Variants in SCLT1 observed in about 807,000 individuals in gnomAD.
SCLT1 encodes the protein sodium channel-associated protein 1.
In SCLT1, 78 loss-of-function variants were observed where a neutral mutation model predicts 112.8. The ratio of observed to expected loss-of-function variants is 0.69; its 90% CI spans 0.58 to 0.83. The LOEUF (loss-of-function observed/expected upper bound fraction) is 0.83, where lower values mean the gene tolerates loss of function less well. Ranked by LOEUF, SCLT1 falls within the 40% of genes least tolerant of loss-of-function variation. The pLI is 0.00. For missense variants in SCLT1, 747 were observed against 770.4 expected (o/e 0.97, Z 0.36); for synonymous variants, 257 against 254.7 (o/e 1.01, Z -0.09).
chr4:128,881,881 C>T (rs1300081771), downstream of SCLT1, among the ~76,000 whole-genome samples: 1 of 152,138 alleles, frequency 6.6e-6, no homozygotes, highest in Non-Finnish European at 1.5e-5. Flanking sequence ...TCAAATTCAA[C>T]AGAGGTCAGA....
intron 2 of SCLT1, among the ~76,000 whole-genome samples, chr4:129,079,040 G>A (rs1225174218): frequency 6.6e-6 from 1 of 152,016 alleles, no homozygotes; most frequent in Non-Finnish European, 1.5e-5. Context: ...TCACTATCAG[G>A]GGAACAGCAA....
At chr4:129,056,345 T>C (rs1749389317) in intron 2 of SCLT1, among the ~76,000 whole-genome samples, 1 of 152,170 alleles carries the variant, frequency 6.6e-6, no homozygotes, top group African/African-American at 2.4e-5. Flanking sequence ...TTTGATTCTT[T>C]ATTGCATTCC....
intron 2 of SCLT1, among the ~76,000 whole-genome samples, chr4:129,049,083 G>A (rs1212558961): frequency 6.6e-6 from 1 of 151,790 alleles, no homozygotes; most frequent in Non-Finnish European, 1.5e-5. Flanking sequence ...GATTCCTCAG[G>A]GATCTAGAAC....
At chr4:128,965,103 T>C (rs1246987920) in intron 11 of SCLT1, 124 bp downstream of exon 11, 3 of 583,124 alleles carry the variant, frequency 5.1e-6, no homozygotes, top group Non-Finnish European at 9.2e-6. Flanking sequence ...ATTTTACACC[T>C]ATGATTATAG....
In SCLT1 at chr4:128,992,357, T is replaced by C. The variant is rs1742650048; in HGVS notation, c.616-120A>G. 5.0e-6 allele frequency: 3 copies of C among 601,916 alleles called. No individual in the cohort carries two copies. In the South Asian group the frequency reaches 7.3e-5, roughly 15 times the overall value. 37.3% of individuals were successfully genotyped at this position (601,916 alleles called of 1,614,324 possible). ...GTGAGATTTATGATAAAGATTAGAT[T>C]TTTTGAGGGTAAAACATAACCTTGG... On this transcript the variant is annotated intron_variant, in intron 8 of 20. Transcript: ENST00000281142.
At chr4:129,025,930 A>G (rs1009354268) in intron 5 of SCLT1, among the ~76,000 whole-genome samples, 7 of 152,250 alleles carry the variant, frequency 4.6e-5, no homozygotes, top group Non-Finnish European at 7.4e-5. Flanking sequence ...CTTTAAACCA[A>G]CAAAGATCAA....
intron 2 of SCLT1, among the ~76,000 whole-genome samples, chr4:129,062,003 G>C (rs1425006889): frequency 6.6e-6 from 1 of 151,812 alleles, no homozygotes. Context: ...AGGTCTGTAG[G>C]AGTTAATGCA....
At chr4:128,902,394 A>C (rs1734387206) in intron 18 of SCLT1, among the ~76,000 whole-genome samples, 1 of 152,218 alleles carries the variant, frequency 6.6e-6, no homozygotes, top group African/African-American at 2.4e-5. Flanking sequence ...CTACACACCT[A>C]GGCAAAATAT....
intron 18 of SCLT1, among the ~76,000 whole-genome samples, chr4:128,911,557 G>A (rs1352114392): frequency 2.6e-5 from 4 of 152,018 alleles, no homozygotes; most frequent in Admixed American, 6.6e-5. Flanking sequence ...TAAGTTCTCC[G>A]ATACTAAGAT....
At chr4:129,026,656 C>G (rs927611326) in intron 5 of SCLT1, among the ~76,000 whole-genome samples, 4 of 152,070 alleles carry the variant, frequency 2.6e-5, no homozygotes, top group Admixed American at 2.0e-4. Context: ...AAAGCAAGAG[C>G]AAACACATTC....
chr4:129,073,969 T>C lies in SCLT1; in HGVS notation c.102+8337A>G, dbSNP rs370013293. Among the ~76,000 whole-genome samples the C allele has an allele frequency of 1.5e-4, 23 of 152,284 alleles. No individual in the cohort carries two copies. In the South Asian group the frequency reaches 4.6e-3, roughly 30 times the overall value. ...GAACCACTCCCAACCACCTCTAGTTTTGTCTTCATCAAGTTAGTTTGAAAT... is the reference window on the plus strand; with the variant it reads ...GAACCACTCCCAACCACCTCTAGTTCTGTCTTCATCAAGTTAGTTTGAAAT... On this transcript the variant is annotated intron_variant, in intron 2 of 20. Transcript: ENST00000281142.
chr4:128,919,586 C>T (rs1019188215), intron 18 of SCLT1, among the ~76,000 whole-genome samples: 9 of 151,760 alleles, frequency 5.9e-5, no homozygotes, highest in South Asian at 2.1e-4. Flanking sequence ...AATAGAGATG[C>T]AAAAAACCAT....
chr4:129,028,347 G>T (rs1354942534), intron 5 of SCLT1, among the ~76,000 whole-genome samples: 1 of 152,110 alleles, frequency 6.6e-6, no homozygotes, highest in South Asian at 2.1e-4. Context: ...CAATGGAACA[G>T]AACAGAGCCC....
intron 9 of SCLT1, among the ~76,000 whole-genome samples, chr4:128,985,434 G>A (rs946072460): frequency 6.6e-6 from 1 of 152,172 alleles, no homozygotes; most frequent in Non-Finnish European, 1.5e-5. Flanking sequence ...ATTGCTGAGT[G>A]TGAAGTAGTA....
intron 16 of SCLT1, 31 bp from the exon 17 acceptor site, chr4:128,943,219 T>G: frequency 6.9e-7 from 1 of 1,457,030 alleles, no homozygotes; most frequent in Non-Finnish European, 9.5e-7. Flanking sequence ...AAAGAATCCT[T>G]AAACTTAATG....
intron 4 of SCLT1, among the ~76,000 whole-genome samples, chr4:129,042,169 G>C (rs1014465864): frequency 1.3e-5 from 2 of 152,128 alleles, no homozygotes; most frequent in African/African-American, 4.8e-5. Context: ...CCAATCATGA[G>C]TATATTCAAG....
At chr4:128,989,870 A>G (rs1466428002) in intron 9 of SCLT1, among the ~76,000 whole-genome samples, 3 of 151,772 alleles carry the variant, frequency 2.0e-5, no homozygotes, top group African/African-American at 7.2e-5. Flanking sequence ...ATAAATTCCT[A>G]GAAACATCCA....
At chr4:128,882,388 A>G (rs1027023930), downstream of SCLT1, among the ~76,000 whole-genome samples, 1 of 152,174 alleles carries the variant, frequency 6.6e-6, no homozygotes, top group African/African-American at 2.4e-5. Context: ...TGGTCTCATC[A>G]TCGCATTTGA....
intron 20 of SCLT1, among the ~76,000 whole-genome samples, chr4:128,887,510 T>G (rs186629983): frequency 1.3e-5 from 2 of 152,316 alleles, no homozygotes; most frequent in East Asian, 1.9e-4. Context: ...TAATTTTGAT[T>G]GAAATAATAC....
Sources: gnomAD v4.1 joint callset for allele counts (sites outside exome capture counted in the v4.1 genomes callset) on GRCh38, gnomAD v4.1.1 for gene constraint, MANE v1.5 for transcripts, NCBI Gene and HGNC (gene_info 2026-07-23, HGNC 2026-07-21) for gene names.